CNTNAP4: variants seen among roughly 807,000 people sequenced by gnomAD.
CNTNAP4 encodes contactin associated protein family member 4, also known as contactin-associated protein-like 4.
In CNTNAP4, 98 loss-of-function variants were observed where a neutral mutation model predicts 148.4. The ratio of observed to expected loss-of-function variants is 0.66; its 90% CI spans 0.56 to 0.78. The LOEUF (loss-of-function observed/expected upper bound fraction) is 0.78, where lower values mean the gene tolerates loss of function less well. Ranked by LOEUF, CNTNAP4 falls within the 30% of genes least tolerant of loss-of-function variation. The pLI is 0.00. For synonymous variants in CNTNAP4, 730 were observed against 565.1 expected (o/e 1.29, Z -4.14); for missense variants, 1,935 against 1,565.6 (o/e 1.24, Z -3.98).
chr16:76,491,001 A>T (rs2082198579), intron 13 of CNTNAP4, among the ~76,000 whole-genome samples: 1 of 151,980 alleles, frequency 6.6e-6, no homozygotes, highest in Admixed American at 6.5e-5. Context: ...TGTCATAAAG[A>T]TCATGCAAAA....
At chr16:76,326,625 A>C (rs1963001505) in intron 2 of CNTNAP4, among the ~76,000 whole-genome samples, 2 of 152,338 alleles carry the variant, frequency 1.3e-5, no homozygotes, top group South Asian at 4.1e-4. Flanking sequence ...GCCATAAAAA[A>C]TGATGAGTTC....
chr16:76,426,665 A>G (rs2079416667), intron 3 of CNTNAP4, among the ~76,000 whole-genome samples: 1 of 152,142 alleles, frequency 6.6e-6, no homozygotes, highest in South Asian at 2.1e-4. Flanking sequence ...TATGGAAGAA[A>G]CATAGCTCCT....
rs540310826 is a variant in CNTNAP4 at position 76,556,658 on chromosome 16, A to G, written c.3734-1832A>G. On this transcript the variant is annotated intron_variant, in intron 23 of 23. Coordinates refer to ENST00000611870, the MANE Select transcript of CNTNAP4 (RefSeq NM_033401.5). ...ACTAGCCTGTAGAAATATTTATAGC[A>G]ATTCAACTGTTTATTTTTTCTAAAA... Among the ~76,000 whole-genome samples, 15 of 152,360 alleles carry G rather than the reference A, an allele frequency of 9.8e-5. No homozygotes were observed. The East Asian group carries it at 2.5e-3, about 25-fold the overall frequency.
chr16:76,369,022 G>GT (rs983541946), intron 3 of CNTNAP4, among the ~76,000 whole-genome samples: 7 of 147,504 alleles, frequency 4.7e-5, no homozygotes, highest in African/African-American at 1.8e-4. Context: ...TAAAGCCTTA[G>GT]TTTTTTTTGT....
At chr16:76,338,254 A>G (rs1002631173) in intron 2 of CNTNAP4, among the ~76,000 whole-genome samples, 2 of 152,168 alleles carry the variant, frequency 1.3e-5, no homozygotes, top group African/African-American at 4.8e-5. Context: ...TGAAATCTTC[A>G]CAATTTATGT....
At chr16:76,358,317 CAG>C (rs1377727228) in intron 3 of CNTNAP4, among the ~76,000 whole-genome samples, 1 of 152,104 alleles carries the variant, frequency 6.6e-6, no homozygotes, top group Non-Finnish European at 1.5e-5. Flanking sequence ...GCCTGGGTGA[CAG>C]AGCAAGACTC....
chr16:76,425,138 G>A (rs899998665), intron 3 of CNTNAP4, among the ~76,000 whole-genome samples: 7 of 152,096 alleles, frequency 4.6e-5, no homozygotes, highest in African/African-American at 1.7e-4. Flanking sequence ...ATTAAACAAT[G>A]TTCTCCTATT....
rs973333168 is a variant in CNTNAP4, at chr16:76,521,216, C to T, written c.2442C>T (p.Ser814=). 11 of 1,611,912 alleles carry T rather than the reference C, an allele frequency of 6.8e-6. No homozygotes were observed. The highest frequency in any genetic ancestry group is 2.2e-5 in the South Asian group (2 of 90,792). Residue 814 remains serine, a synonymous_variant, in exon 16 of 24, where the codon AGC becomes AGT. Transcript: ENST00000611870. The part of the protein sequence containing the change: ...LHFPTFHGEL[S]ADVSFFFKTT... ...TTCCTACCTTCCACGGAGAACTTAGCGCGGATGTATCTTTCTTTTTTAAGA... is the reference window on the plus strand; with the variant it reads ...TTCCTACCTTCCACGGAGAACTTAGTGCGGATGTATCTTTCTTTTTTAAGA...
intron 3 of CNTNAP4, among the ~76,000 whole-genome samples, chr16:76,425,620 A>G (rs1388424824): frequency 6.6e-6 from 1 of 152,078 alleles, no homozygotes; most frequent in Non-Finnish European, 1.5e-5. Context: ...TACTTTAGAG[A>G]CTGTGATCAA....
At chr16:76,487,659 C>T (rs1363557396) in intron 12 of CNTNAP4, among the ~76,000 whole-genome samples, 1 of 152,152 alleles carries the variant, frequency 6.6e-6, no homozygotes, top group African/African-American at 2.4e-5. Flanking sequence ...GTCTGTTCTG[C>T]CCTGGAAATC....
chr16:76,558,028 A>G (rs2085268338), intron 23 of CNTNAP4: 1 of 152,448 alleles, frequency 6.6e-6, no homozygotes, highest in East Asian at 1.9e-4. Flanking sequence ...TGATTTATTT[A>G]CATAACCCAT....
At chr16:76,325,527 G>A (rs1234105259) in intron 2 of CNTNAP4, among the ~76,000 whole-genome samples, 1 of 152,084 alleles carries the variant, frequency 6.6e-6, no homozygotes, top group African/African-American at 2.4e-5. Flanking sequence ...AGAAAGGCGT[G>A]GAATTTAATA....
chr16:76,476,429 C>G (rs375206610), intron 11 of CNTNAP4, among the ~76,000 whole-genome samples: 1 of 152,218 alleles, frequency 6.6e-6, no homozygotes, highest in South Asian at 2.1e-4. Flanking sequence ...CAAAGAGATT[C>G]TCAGAAACAG....
At chr16:76,432,196 C>T (rs1339832557) in intron 4 of CNTNAP4, among the ~76,000 whole-genome samples, 2 of 152,270 alleles carry the variant, frequency 1.3e-5, no homozygotes, top group South Asian at 4.1e-4. Flanking sequence ...CCAGGCTCCC[C>T]TTGTGCCTAA....
chr16:76,458,877 G>T (rs2080834087), intron 8 of CNTNAP4, among the ~76,000 whole-genome samples: 1 of 152,098 alleles, frequency 6.6e-6, no homozygotes. Context: ...TCTACTTTTA[G>T]TTCTTTGAGA....
intron 15 of CNTNAP4, among the ~76,000 whole-genome samples, chr16:76,501,169 C>T (rs1033926339): frequency 2.6e-4 from 40 of 152,188 alleles, no homozygotes; most frequent in African/African-American, 8.9e-4. Flanking sequence ...GTGAGCCTTA[C>T]ACAATCCCAT....
chr16:76,357,650 T>C (rs2144517988), intron 3 of CNTNAP4, among the ~76,000 whole-genome samples: 1 of 152,342 alleles, frequency 6.6e-6, no homozygotes. Context: ...TAAGAGCACC[T>C]GGCATGTCAC....
intron 8 of CNTNAP4, among the ~76,000 whole-genome samples, chr16:76,461,461 C>T (rs947232225): frequency 6.6e-6 from 1 of 152,052 alleles, no homozygotes; most frequent in Non-Finnish European, 1.5e-5. Flanking sequence ...TGGCTTTTCA[C>T]GGTGCTTTAT....
chr16:76,349,721 A>G (rs1456771790), intron 2 of CNTNAP4, among the ~76,000 whole-genome samples: 1 of 152,166 alleles, frequency 6.6e-6, no homozygotes, highest in Non-Finnish European at 1.5e-5. Flanking sequence ...CTAGGAATTT[A>G]GATGTCCTAA....
Sources: gnomAD v4.1 joint callset for allele counts (sites outside exome capture counted in the v4.1 genomes callset) on GRCh38, gnomAD v4.1.1 for gene constraint, MANE v1.5 for transcripts, NCBI Gene and HGNC (gene_info 2026-07-23, HGNC 2026-07-21) for gene names.